Variants in PCDHGA1 observed in about 807,000 individuals in gnomAD.
PCDHGA1 encodes protocadherin gamma-A1.
Under a neutral mutation model 58.0 loss-of-function variants are expected in PCDHGA1, and 32 were observed. The ratio of observed to expected loss-of-function variants is 0.55; its 90% CI spans 0.42 to 0.74. The LOEUF is 0.74. Ranked by LOEUF, PCDHGA1 falls within the 30% of genes least tolerant of loss-of-function variation. The pLI, the probability that PCDHGA1 is intolerant of heterozygous loss-of-function variation, is 0.00. For synonymous variants in PCDHGA1, 498 were observed against 501.1 expected (o/e 0.99, Z 0.08); for missense variants, 1,205 against 1,182.3 (o/e 1.02, Z -0.28).
At position 141,390,009 on chromosome 5, in the gene PCDHGA1, A is replaced by G. The variant is rs200734314; in HGVS notation, c.2421+56904A>G. The G allele has an allele frequency of 4.0e-3, 6,510 of 1,613,890 alleles. 27 individuals carry two copies. Among genetic ancestry groups the G allele is most frequent in the Non-Finnish European group, 4.8e-3 (5,639 of 1,179,872 alleles). ...CTTCCTCGTGGCCATGATTCTGGCCATTGCCTTGCGCCTGCGACGCTCCTC... is the reference window on the plus strand; with the variant it reads ...CTTCCTCGTGGCCATGATTCTGGCCGTTGCCTTGCGCCTGCGACGCTCCTC... On this transcript the variant is annotated intron_variant, in intron 1 of 3. Coordinates refer to ENST00000517417, the MANE Select transcript of PCDHGA1 (RefSeq NM_018912.3).
intron 1 of PCDHGA1, chr5:141,390,004 T>C (rs749173529): frequency 1.9e-6 from 3 of 1,614,044 alleles, no homozygotes; most frequent in Admixed American, 1.7e-5. Flanking sequence ...GCCATGATTC[T>C]GGCCATTGCC....
chr5:141,378,581 G>A (rs17524659), intron 1 of PCDHGA1: 5,512 of 152,208 alleles, frequency 0.036, 128 homozygotes, highest in South Asian at 0.08. Flanking sequence ...AAACATGCTC[G>A]GTAGTGTCTG....
chr5:141,361,540 G>C, intron 1 of PCDHGA1: 2 of 1,614,018 alleles, frequency 1.2e-6, no homozygotes, highest in South Asian at 1.1e-5. Context: ...TCCTCCTGGC[G>C]CCTCTATCGC....
chr5:141,383,137 C>T, intron 1 of PCDHGA1: 1 of 1,614,112 alleles, frequency 6.2e-7, no homozygotes, highest in Non-Finnish European at 8.5e-7. Context: ...CCTGAACCAG[C>T]GCAGCGGCAG....
intron 1 of PCDHGA1, among the ~76,000 whole-genome samples, chr5:141,443,722 C>G (rs2098401001): frequency 6.6e-6 from 1 of 152,012 alleles, no homozygotes; most frequent in Admixed American, 6.6e-5. Context: ...TATAAAATTC[C>G]TCATACATTT....
At chr5:141,494,768 C>T (rs758949982) in intron 1 of PCDHGA1, 39 bp from the exon 2 acceptor site, 1 of 1,614,060 alleles carries the variant, frequency 6.2e-7, no homozygotes, top group South Asian at 1.1e-5. Flanking sequence ...TCTAACTTCT[C>T]ACGGGTACTC....
At chr5:141,335,178 C>T (rs1399052320) in intron 1 of PCDHGA1, among the ~76,000 whole-genome samples, 1 of 152,178 alleles carries the variant, frequency 6.6e-6, no homozygotes, top group Non-Finnish European at 1.5e-5. Context: ...TATCTCACTT[C>T]TGGACTTTCT....
intron 1 of PCDHGA1, chr5:141,350,485 T>C (rs757793104): frequency 6.2e-7 from 1 of 1,613,928 alleles, no homozygotes; most frequent in Admixed American, 1.7e-5. Flanking sequence ...TCAACGTTAG[T>C]TTGGAGAGCG....
intron 1 of PCDHGA1, chr5:141,384,678 G>A (rs770501792): frequency 5.0e-6 from 8 of 1,614,194 alleles, no homozygotes; most frequent in Middle Eastern, 3.3e-4. Flanking sequence ...AGGTGGTGGC[G>A]GTGGACAAAG....
chr5:141,510,833 C>T (rs2099882936), intron 3 of PCDHGA1, 114 bp from the exon 4 acceptor site: 46 of 1,577,678 alleles, frequency 2.9e-5, no homozygotes, highest in South Asian at 2.5e-4. Context: ...CAGTGCTCAG[C>T]GTGGTCAAGG....
chr5:141,333,618 T>C (rs1756475676), intron 1 of PCDHGA1: 1 of 167,096 alleles, frequency 6.0e-6, no homozygotes, highest in Admixed American at 5.7e-5. Context: ...TTTAGTTGTG[T>C]TCATATAAGA....
rs200724467 is a variant in PCDHGA1 at position 141,399,395 on chromosome 5, G to A, written c.2421+66290G>A. 5,303 of 1,613,964 alleles carry A rather than the reference G, an allele frequency of 3.3e-3. 153 individuals carry two copies. In the South Asian group the frequency reaches 0.047, roughly 14 times the overall value. ...AATGTCACCATCACAGCCACAGACA[G>A]GGGCAAGCCGCCCCTCTCCTCCAGC... On this transcript the variant is annotated intron_variant, in intron 1 of 3. Coordinates refer to ENST00000517417, the MANE Select transcript of PCDHGA1 (RefSeq NM_018912.3).
At position 141,423,166 on chromosome 5, in the gene PCDHGA1, G is replaced by A. The variant is rs367805855; in HGVS notation, c.2422-71641G>A. ...GCTCAAGCAGAGCCTCGTGGTGGCC[G>A]TCCAGGACCACGGCCAGCCCCCTCT... On this transcript the variant is annotated intron_variant, in intron 1 of 3. Transcript: ENST00000517417. 2.4e-5 allele frequency: 38 copies of A among 1,613,476 alleles called. No individual in the cohort carries two copies. The South Asian group carries it at 2.5e-4, about 11-fold the overall frequency.
In PCDHGA1 at chr5:141,344,587, T is replaced by A. The variant is rs749601680; in HGVS notation, c.2421+11482T>A. On this transcript the variant is annotated intron_variant, in intron 1 of 3. Coordinates refer to ENST00000517417, the MANE Select transcript of PCDHGA1 (RefSeq NM_018912.3). Reference sequence around the variant, plus strand: ...TACTTCTCTCTGGCTGTGAATAGCGTCTCTGAGGGGGCCAAGTATCCAGAG... The same window carrying A: ...TACTTCTCTCTGGCTGTGAATAGCGACTCTGAGGGGGCCAAGTATCCAGAG... 4 of 1,613,870 alleles carry A rather than the reference T, an allele frequency of 2.5e-6. No individual in the cohort carries two copies. The African/African-American group carries it at 5.3e-5, about 22-fold the overall frequency.
At position 141,489,545 on chromosome 5, in the gene PCDHGA1, G is replaced by A. The variant is rs1396651116; in HGVS notation, c.2422-5262G>A. On this transcript the variant is annotated intron_variant, in intron 1 of 3. Transcript: ENST00000517417. The surrounding 1 kb of genome is among the most constrained non-coding windows in gnomAD (Gnocchi z 4.5). ...AGCCTATGTGGAGCCAGCACCAGCT[G>A]CCTGCTGCCAGTGCAGGTGGTGACT... 3 of 1,613,984 alleles carry A rather than the reference G, an allele frequency of 1.9e-6. No individual in the cohort carries two copies. The highest frequency in any genetic ancestry group is 2.5e-6 in the Non-Finnish European group (3 of 1,180,022).
At chr5:141,357,037 G>A (rs750879556) in intron 1 of PCDHGA1, 42 of 1,613,924 alleles carry the variant, frequency 2.6e-5, no homozygotes, top group Non-Finnish European at 3.2e-5. Context: ...CAAGTCCAGC[G>A]AGCCGGGACT....
chr5:141,456,878 G>A (rs71583646), intron 1 of PCDHGA1, among the ~76,000 whole-genome samples: 21 of 152,162 alleles, frequency 1.4e-4, no homozygotes, highest in African/African-American at 2.4e-4. Flanking sequence ...CAGGAGAATC[G>A]CTTGAACCCG....
intron 1 of PCDHGA1, among the ~76,000 whole-genome samples, chr5:141,480,259 G>A (rs1285833242): frequency 2.0e-5 from 3 of 151,174 alleles, no homozygotes; most frequent in African/African-American, 7.3e-5. Flanking sequence ...AAAAAAATGT[G>A]TTTTCATTAG....
intron 1 of PCDHGA1, among the ~76,000 whole-genome samples, chr5:141,453,679 T>C (rs960698192): frequency 2.0e-5 from 3 of 152,230 alleles, no homozygotes; most frequent in Non-Finnish European, 2.9e-5. Context: ...GGTAACACAC[T>C]ATGTAGGTAG....
Sources: gnomAD v4.1 joint callset for allele counts (sites outside exome capture counted in the v4.1 genomes callset) on GRCh38, gnomAD v4.1.1 for gene constraint, Gnocchi (gnomAD v3.1) non-coding constraint, MANE v1.5 for transcripts, NCBI Gene and HGNC (gene_info 2026-07-23, HGNC 2026-07-21) for gene names.